The following RBM27 variants were observed in gnomAD, a reference collection of about 807,000 sequenced individuals.
RBM27 encodes RNA-binding protein 27.
RBM27 carries 22 observed loss-of-function variants against 135.3 expected under a neutral mutation model. That is an observed-to-expected ratio of 0.16 (90% CI 0.12 to 0.23). The LOEUF is 0.23. Ranked by LOEUF, RBM27 falls within the 10% of genes least tolerant of loss-of-function variation. RBM27 has a pLI of 1.00. For missense variants in RBM27, 1,009 were observed against 1,281.0 expected (o/e 0.79, Z 3.24); for synonymous variants, 481 against 442.4 (o/e 1.09, Z -1.10).
chr5:146,238,656 GA>G (rs1200553870), intron 8 of RBM27, among the ~76,000 whole-genome samples: 2 of 141,948 alleles, frequency 1.4e-5, no homozygotes, highest in Admixed American at 7.7e-5. Flanking sequence ...CAAATTAGAA[GA>G]TTTTTTTTTT....
intron 1 of RBM27, among the ~76,000 whole-genome samples, chr5:146,209,977 G>A (rs2126675104): frequency 6.6e-6 from 1 of 152,252 alleles, no homozygotes; most frequent in African/African-American, 2.4e-5. Flanking sequence ...GCCAGAAGTT[G>A]CCTTTTTAGC....
At chr5:146,269,612 T>C in intron 17 of RBM27, 28 bp downstream of exon 17, 1 of 1,462,262 alleles carries the variant, frequency 6.8e-7, no homozygotes, top group Non-Finnish European at 9.1e-7. Context: ...TTATTTAACA[T>C]AGGGTTATTG....
intron 8 of RBM27, 44 bp from the exon 9 acceptor site, chr5:146,251,667 T>G (rs1485995806): frequency 6.6e-7 from 1 of 1,525,460 alleles, no homozygotes; most frequent in Non-Finnish European, 9.1e-7. Context: ...AAGAGAAGCT[T>G]GTGACTCTCA....
At chr5:146,211,526 G>T (rs1755956446) in intron 1 of RBM27, among the ~76,000 whole-genome samples, 1 of 131,522 alleles carries the variant, frequency 7.6e-6, no homozygotes, top group East Asian at 2.1e-4. Context: ...TTGTTGCCGA[G>T]GCTGGAGTGC....
chr5:146,221,031 C>T (rs1270884870), intron 2 of RBM27, among the ~76,000 whole-genome samples: 1 of 151,476 alleles, frequency 6.6e-6, no homozygotes, highest in African/African-American at 2.4e-5. Context: ...TCCTGGCTAA[C>T]AGGGTGAAAA....
At chr5:146,256,610 T>G (rs1275290317) in intron 10 of RBM27, among the ~76,000 whole-genome samples, 1 of 151,986 alleles carries the variant, frequency 6.6e-6, no homozygotes. Flanking sequence ...CACCTCGGAC[T>G]CCCAAAGTGC....
At chr5:146,262,924 C>T (rs1389999367) in intron 13 of RBM27, among the ~76,000 whole-genome samples, 3 of 142,910 alleles carry the variant, frequency 2.1e-5, no homozygotes, top group East Asian at 4.0e-4. Flanking sequence ...CCTGCTTTGT[C>T]GTCATTCAGG....
chr5:146,228,343 G>A (rs557331787), intron 3 of RBM27, among the ~76,000 whole-genome samples: 17 of 146,284 alleles, frequency 1.2e-4, no homozygotes, highest in South Asian at 2.2e-4. Context: ...GCGCAGTGGC[G>A]TGATCTCGGC....
chr5:146,222,641 A>G (rs1227622509), intron 2 of RBM27, among the ~76,000 whole-genome samples: 1 of 152,200 alleles, frequency 6.6e-6, no homozygotes, highest in Non-Finnish European at 1.5e-5. Flanking sequence ...CTGAGATCGC[A>G]CCACTGCACT....
At chr5:146,249,709 T>TTA (rs1757798655) in intron 8 of RBM27, among the ~76,000 whole-genome samples, 1 of 140,062 alleles carries the variant, frequency 7.1e-6, no homozygotes, top group Admixed American at 7.5e-5. Context: ...AAAGAAAAAG[T>TTA]AAAAAAAAAA....
chr5:146,213,387 C>T (rs1005374789), intron 1 of RBM27, among the ~76,000 whole-genome samples: 1 of 152,122 alleles, frequency 6.6e-6, no homozygotes, highest in Non-Finnish European at 1.5e-5. Context: ...ACGTGAGCCA[C>T]CACGCCCAGC....
At chr5:146,220,977 G>A (rs558785884) in intron 2 of RBM27, among the ~76,000 whole-genome samples, 2 of 152,092 alleles carry the variant, frequency 1.3e-5, no homozygotes, top group African/African-American at 4.8e-5. Flanking sequence ...CAGCACTTTG[G>A]GAGGCCGAGG....
Position 146,285,630 on chromosome 5 carries a change from A to G in RBM27, c.3100-317A>G, listed in dbSNP as rs555591146. On this transcript the variant is annotated intron_variant, in intron 20 of 20. Transcript: ENST00000265271. ...TCCTAATTTTTTATAGAATAAAATT[A>G]ATTTTAATTTATCAGAAATGTATCT... Among the ~76,000 whole-genome samples the G allele has an allele frequency of 8.5e-4, 130 of 152,288 alleles. 1 individual carries two copies. Among genetic ancestry groups the G allele is most frequent in the Admixed American group, 8.5e-3 (130 of 15,296 alleles).
In RBM27 at chr5:146,286,388, A is replaced by T. The variant is rs1759581969; in HGVS notation, c.*358A>T. 1 of 159,492 alleles carries T rather than the reference A, an allele frequency of 6.3e-6. No homozygotes were observed. Among genetic ancestry groups the T allele is most frequent in the African/African-American group, 2.4e-5 (1 of 41,662 alleles). The allele number at this position is 159,492 out of a possible 1,614,324, so 9.9% of individuals were successfully genotyped here. Reference sequence around the variant, plus strand: ...GATTATAATCTACTGATAAAATTTAATTAAATGTCAAAATCACCTGTAATC... The same window carrying T: ...GATTATAATCTACTGATAAAATTTATTTAAATGTCAAAATCACCTGTAATC... On this transcript the variant is annotated 3_prime_UTR_variant, in exon 21 of 21. Transcript: ENST00000265271.
intron 11 of RBM27, 98 bp from the exon 12 acceptor site, chr5:146,260,647 C>A: frequency 1.0e-6 from 1 of 1,004,584 alleles, no homozygotes; most frequent in Non-Finnish European, 1.4e-6. Flanking sequence ...CCACAAAAGG[C>A]ACTTAAAAAA....
At position 146,259,020 on chromosome 5, in the gene RBM27, C is replaced by G. The variant is rs1009418849; in HGVS notation, c.1739+427C>G. 2.0e-5 allele frequency among the ~76,000 whole-genome samples: 3 copies of G among 151,984 alleles called. No individual in the cohort carries two copies. In the South Asian group the frequency reaches 6.2e-4, roughly 32 times the overall value. Reference sequence around the variant, plus strand: ...AGGTGATCCACCCACCTTGGCCTCCCAAGGTGCTGGGATTACAGGTGTGAG... The same window carrying G: ...AGGTGATCCACCCACCTTGGCCTCCGAAGGTGCTGGGATTACAGGTGTGAG... On this transcript the variant is annotated intron_variant, in intron 11 of 20. Coordinates refer to ENST00000265271, the MANE Select transcript of RBM27 (RefSeq NM_018989.2).
Position 146,203,662 on chromosome 5 carries a change from G to A in RBM27, c.-104G>A, listed in dbSNP as rs1355406834. 9.3e-7 allele frequency: 1 copy of A among 1,075,832 alleles called. No individual in the cohort carries two copies. The highest frequency in any genetic ancestry group is 1.4e-5 in the South Asian group (1 of 72,652). 66.6% of individuals were successfully genotyped at this position (1,075,832 alleles called of 1,614,324 possible). ...TTGAAGTCTCCTAAGATGCCCGGTGGGCTGGGGCACCGGGAGCTGTGAAGG... is the reference window on the plus strand; with the variant it reads ...TTGAAGTCTCCTAAGATGCCCGGTGAGCTGGGGCACCGGGAGCTGTGAAGG... On this transcript the variant is annotated 5_prime_UTR_variant, in exon 1 of 21. Coordinates refer to ENST00000265271, the MANE Select transcript of RBM27 (RefSeq NM_018989.2).
At chr5:146,235,840 A>G (rs1204166664) in intron 7 of RBM27, among the ~76,000 whole-genome samples, 1 of 152,008 alleles carries the variant, frequency 6.6e-6, no homozygotes, top group Non-Finnish European at 1.5e-5. Context: ...GGCGTGTGCC[A>G]CCATGCCTGG....
chr5:146,276,007 T>C (rs903989738), intron 19 of RBM27, among the ~76,000 whole-genome samples: 15 of 152,164 alleles, frequency 9.9e-5, no homozygotes, highest in Non-Finnish European at 1.8e-4. Context: ...TAGGCTTTTT[T>C]CCTCTTGCCT....
Sources: allele counts gnomAD v4.1 joint callset (sites outside exome capture counted in the v4.1 genomes callset), GRCh38; gene constraint gnomAD v4.1.1; transcripts MANE v1.5; gene names NCBI Gene and HGNC (gene_info 2026-07-23, HGNC 2026-07-21).